SPO11: variants seen among roughly 807,000 people sequenced by gnomAD.
The protein encoded by SPO11 is SPO11 initiator of meiotic double strand breaks.
In SPO11, 49 loss-of-function variants were observed where a neutral mutation model predicts 51.6. The observed-to-expected ratio is 0.95, with a 90% CI of 0.75 to 1.20. The LOEUF (loss-of-function observed/expected upper bound fraction) is 1.20, where lower values mean the gene tolerates loss of function less well. SPO11 is among the 50% of genes most tolerant of loss of function. The pLI is 0.00. For synonymous variants in SPO11, 176 were observed against 158.2 expected, an observed-to-expected ratio of 1.11 and a Z score of -0.84; for missense variants, 431 against 473.4, an observed-to-expected ratio of 0.91 and a Z score of 0.83.
Position 57,342,856 on chromosome 20 carries a change from C to T in SPO11, c.1071+16C>T. On this transcript the variant is annotated intron_variant, in intron 12 of 12. Transcript: ENST00000371263. The stretch of plus-strand genomic sequence containing the variant: ...GAGAAAAGAAGTATGTTTCCTTTTA[C>T]AACTCAAGTGTTGCATGTTTAATTG... 1 of 1,548,072 alleles carries T rather than the reference C, an allele frequency of 6.5e-7. No individual in the cohort carries two copies. The highest frequency in any genetic ancestry group is 8.9e-7 in the Non-Finnish European group (1 of 1,122,596).
intron 10 of SPO11, among the ~76,000 whole-genome samples, chr20:57,339,459 G>A (rs1348935061): frequency 6.6e-6 from 1 of 152,136 alleles, no homozygotes; most frequent in Non-Finnish European, 1.5e-5. Flanking sequence ...ATATACCAGT[G>A]GTCTCACAGT....
chr20:57,334,589 T>C (rs756292258), intron 5 of SPO11, among the ~76,000 whole-genome samples, 161 bp from the exon 6 acceptor site: 10 of 152,240 alleles, frequency 6.6e-5, no homozygotes, highest in Non-Finnish European at 1.0e-4. Context: ...AATTACCAAA[T>C]ATTTTTAATT....
chr20:57,338,412 A>C, intron 9 of SPO11, 37 bp downstream of exon 9: 1 of 1,349,760 alleles, frequency 7.4e-7, no homozygotes, highest in Non-Finnish European at 1.0e-6. Flanking sequence ...CAATAGTCAT[A>C]ACTAAATCAT....
At chr20:57,331,747 C>A in intron 1 of SPO11, 86 bp from the exon 2 acceptor site, 1 of 635,138 alleles carries the variant, frequency 1.6e-6, no homozygotes, top group Non-Finnish European at 2.6e-6. Flanking sequence ...TAAAAAGTTA[C>A]TTTAGTATTG....
intron 11 of SPO11, among the ~76,000 whole-genome samples, chr20:57,340,447 C>T (rs1386895456): frequency 6.6e-6 from 1 of 152,182 alleles, no homozygotes; most frequent in Non-Finnish European, 1.5e-5. Context: ...ACATTTTATA[C>T]ACTTTTTATA....
chr20:57,336,082 C>T (rs1444624271), intron 8 of SPO11, among the ~76,000 whole-genome samples, 175 bp downstream of exon 8: 2 of 152,042 alleles, frequency 1.3e-5, no homozygotes, highest in East Asian at 1.9e-4. Context: ...AGCTGGCTAT[C>T]ACCTCAAGTT....
At chr20:57,333,866 T>C in intron 4 of SPO11, 113 bp downstream of exon 4, 1 of 903,146 alleles carries the variant, frequency 1.1e-6, no homozygotes, top group Non-Finnish European at 1.7e-6. Context: ...TAGCTCATAA[T>C]TTACTTTCTT....
At chr20:57,330,564 A>G (rs2066437180) in intron 1 of SPO11, among the ~76,000 whole-genome samples, 1 of 152,236 alleles carries the variant, frequency 6.6e-6, no homozygotes, top group African/African-American at 2.4e-5. Flanking sequence ...TGATTTATTT[A>G]AAATCAATTA....
At position 57,342,828 on chromosome 20, in the gene SPO11, T is replaced by A. The variant is rs2066599600; in HGVS notation, c.1059T>A (p.Phe353Leu). The A allele has an allele frequency of 1.9e-6, 3 of 1,610,770 alleles. No individual in the cohort carries two copies. The African/African-American group carries it at 4.0e-5, about 22-fold the overall frequency. The change falls in exon 12 of 13, where the codon TTT (phenylalanine) becomes TTA (leucine). Residue 353 changes from phenylalanine to leucine, a missense_variant. Transcript: ENST00000371263. ...LRRPYVTCQP[F>L]WRKEMEIMAD... ...GACCTTATGTTACCTGCCAACCATTTTGGAGAAAAGAAGTATGTTTCCTTT... is the reference window on the plus strand; with the variant it reads ...GACCTTATGTTACCTGCCAACCATTATGGAGAAAAGAAGTATGTTTCCTTT...
At chr20:57,333,140 A>G in intron 2 of SPO11, 48 bp from the exon 3 acceptor site, 1 of 1,382,834 alleles carries the variant, frequency 7.2e-7, no homozygotes, top group Non-Finnish European at 1.0e-6. Flanking sequence ...TTTGGTGTTT[A>G]GAAGTTGTCT....
chr20:57,332,321 A>C (rs1316090995), intron 2 of SPO11, among the ~76,000 whole-genome samples: 1 of 152,190 alleles, frequency 6.6e-6, no homozygotes, highest in Non-Finnish European at 1.5e-5. Context: ...AAAGCAAACC[A>C]CTTGCTCAGG....
At chr20:57,331,760 C>G in intron 1 of SPO11, 73 bp from the exon 2 acceptor site, 2 of 754,634 alleles carry the variant, frequency 2.7e-6, no homozygotes, top group Non-Finnish European at 4.1e-6. Context: ...TAGTATTGAT[C>G]TGGGAAAATC....
At chr20:57,338,009 T>C (rs573394250) in intron 8 of SPO11, among the ~76,000 whole-genome samples, 34 of 152,264 alleles carry the variant, frequency 2.2e-4, no homozygotes, top group African/African-American at 7.5e-4. Flanking sequence ...TGCCTCAGCC[T>C]CCCGAGTACC....
rs764245350 is a variant in SPO11 at position 57,333,762 on chromosome 20, A to G, written c.401+9A>G. On this transcript the variant is annotated intron_variant, in intron 4 of 12. Coordinates refer to ENST00000371263, the MANE Select transcript of SPO11 (RefSeq NM_012444.3). Reference sequence around the variant, plus strand: ...ACTTATGCAACCAAAAGGTAAATATATTGTTCTAGTAAATTACTCTTCAAA... The same window carrying G: ...ACTTATGCAACCAAAAGGTAAATATGTTGTTCTAGTAAATTACTCTTCAAA... 1.5e-6 allele frequency: 2 copies of G among 1,372,920 alleles called. No individual in the cohort carries two copies. The highest frequency in any genetic ancestry group is 2.1e-6 in the Non-Finnish European group (2 of 970,986). 85.0% of individuals were successfully genotyped at this position (1,372,920 alleles called of 1,614,324 possible). A position where few individuals can be genotyped will look rare whatever the true frequency, so the allele number is the denominator to read the frequency against.
At chr20:57,330,911 T>A (rs780325809) in intron 1 of SPO11, among the ~76,000 whole-genome samples, 1 of 152,228 alleles carries the variant, frequency 6.6e-6, no homozygotes, top group Non-Finnish European at 1.5e-5. Context: ...ACTTTTTTTC[T>A]CCAAACTAGG....
chr20:57,342,893 A>G, intron 12 of SPO11, 53 bp downstream of exon 12: 1 of 1,224,586 alleles, frequency 8.2e-7, no homozygotes, highest in South Asian at 1.3e-5. Context: ...CTTTTACTTT[A>G]GTAGTGGCTA....
At position 57,329,899 on chromosome 20, in the gene SPO11, C is replaced by T. The variant is rs774385826; in HGVS notation, c.32C>T (p.Ser11Leu). The change falls in exon 1 of 13, where the codon TCG becomes TTG. Residue 11 changes from serine to leucine, a missense_variant. Physicochemically the swap from Ser to Leu is moderately radical, Grantham distance 145. Around this residue, in one of 3 missense-constraint regions of SPO11, gnomAD observed 405 missense variants for 425.9 expected, o/e 0.95. Transcript: ENST00000371263. ...TTTGCACCTATGGGGCCCGAGGCCT[C>T]GTTCTTCGACGTTTTGGACCGACAC... The part of the protein sequence containing the change: MAFAPMGPEA[S>L]FFDVLDRHRE... 6 of 1,613,752 alleles carry T rather than the reference C, an allele frequency of 3.7e-6. No homozygotes were observed. The highest frequency in any genetic ancestry group is 1.1e-5 in the South Asian group (1 of 91,084).
intron 8 of SPO11, among the ~76,000 whole-genome samples, chr20:57,337,180 T>C (rs915723751): frequency 1.3e-5 from 2 of 151,972 alleles, no homozygotes; most frequent in Non-Finnish European, 2.9e-5. Context: ...AGGGCTACTC[T>C]GCGCTCTTCC....
intron 1 of SPO11, among the ~76,000 whole-genome samples, chr20:57,330,398 GT>G (rs28368069): frequency 6.6e-6 from 1 of 150,886 alleles, no homozygotes; most frequent in Non-Finnish European, 1.5e-5. Flanking sequence ...TTATTTTTTG[GT>G]TTTTTTTTAG....
Sources: gnomAD v4.1 joint callset for allele counts (sites outside exome capture counted in the v4.1 genomes callset) on GRCh38, gnomAD v4.1.1 for gene constraint, gnomAD v4.1.1 regional missense constraint, MANE v1.5 for transcripts, NCBI Gene and HGNC (gene_info 2026-07-23, HGNC 2026-07-21) for gene names.